The following R3HDM1 variants were observed in gnomAD, a reference collection of about 807,000 sequenced individuals.
R3HDM1 encodes R3H domain-containing protein 1.
R3HDM1 carries 46 observed loss-of-function variants against 141.1 expected under a neutral mutation model. The observed-to-expected ratio is 0.33, with a 90% CI of 0.26 to 0.42. R3HDM1 has a LOEUF of 0.42. Ranked by LOEUF, R3HDM1 falls within the 10% of genes least tolerant of loss-of-function variation. The probability of loss-of-function intolerance (pLI) is 1.00; values close to 1 mark genes in which losing one functional copy is unlikely to be tolerated. For missense variants in R3HDM1, 1,184 were observed against 1,368.3 expected, an observed-to-expected ratio of 0.87 and a Z score of 2.12; for synonymous variants, 435 against 472.9, an observed-to-expected ratio of 0.92 and a Z score of 1.04.
intron 9 of R3HDM1, among the ~76,000 whole-genome samples, chr2:135,635,283 T>TA (rs1263662323): frequency 6.6e-6 from 1 of 152,214 alleles, no homozygotes; most frequent in African/African-American, 2.4e-5. Flanking sequence ...TAGCATAAGA[T>TA]ACGGCACTGC....
intron 19 of R3HDM1, 75 bp downstream of exon 19, chr2:135,661,468 A>G: frequency 1.3e-6 from 2 of 1,529,406 alleles, no homozygotes; most frequent in South Asian, 1.1e-5. Context: ...TGCTCTTAAG[A>G]TAGTACCTAC....
chr2:135,672,081 G>A (rs1052060391), intron 19 of R3HDM1, among the ~76,000 whole-genome samples: 4 of 152,132 alleles, frequency 2.6e-5, no homozygotes, highest in East Asian at 1.9e-4. Context: ...GGACAAAATC[G>A]TAAAGGGATT....
At chr2:135,584,713 C>G (rs1707486527) in intron 1 of R3HDM1, among the ~76,000 whole-genome samples, 1 of 152,126 alleles carries the variant, frequency 6.6e-6, no homozygotes, top group African/African-American at 2.4e-5. Context: ...TTCACTAATT[C>G]ACAATTACTT....
At chr2:135,627,334 T>G (rs996825477) in intron 7 of R3HDM1, among the ~76,000 whole-genome samples, 1 of 152,274 alleles carries the variant, frequency 6.6e-6, no homozygotes, top group Admixed American at 6.5e-5. Flanking sequence ...TTTTTGGATA[T>G]CTTTAATTTC....
At chr2:135,691,394 G>A (rs1256547577) in intron 21 of R3HDM1, among the ~76,000 whole-genome samples, 2 of 152,038 alleles carry the variant, frequency 1.3e-5, no homozygotes, top group African/African-American at 4.8e-5. Flanking sequence ...TGAGTGGATC[G>A]CTTGAGCTCA....
Position 135,719,699 on chromosome 2 carries a change from T to A in R3HDM1, c.2882-2225T>A, listed in dbSNP as rs568652446. On this transcript the variant is annotated intron_variant, in intron 24 of 26. Transcript: ENST00000683871. The stretch of plus-strand genomic sequence containing the variant: ...AAAGGTTTTATCTTTTGTTGAAAAA[T>A]CTTAGGTGTCTTTATCTAGGGGATT... Among the ~76,000 whole-genome samples, 5 of 152,246 alleles carry A rather than the reference T, an allele frequency of 3.3e-5. No individual in the cohort carries two copies. The South Asian group carries it at 1.0e-3, about 32-fold the overall frequency.
intron 1 of R3HDM1, among the ~76,000 whole-genome samples, chr2:135,596,614 A>G (rs557725452): frequency 1.4e-4 from 21 of 152,196 alleles, no homozygotes; most frequent in African/African-American, 4.8e-4. Flanking sequence ...TGGTTTTTAA[A>G]TTTTTATATA....
intron 1 of R3HDM1, among the ~76,000 whole-genome samples, chr2:135,568,309 A>G (rs1365068245): frequency 6.6e-6 from 1 of 151,778 alleles, no homozygotes; most frequent in East Asian, 1.9e-4. Flanking sequence ...TGGCCTCCCA[A>G]AGTGCTGGGA....
chr2:135,652,013 T>G lies in R3HDM1; in HGVS notation c.2009T>G (p.Ile670Ser), dbSNP rs776836239. ...SQPVLQQQGY[I>S]QQPSPQMPAC... ...CCTGTGCTCCAGCAGCAGGGATATA[T>G]TCAGCAGCCATCACCACAGGTATAT... Residue 670 changes from isoleucine (I) to serine (S), a missense_variant, in exon 18 of 27, where the codon ATT becomes AGT. Transcript: ENST00000683871. The G allele has an allele frequency of 3.1e-6, 5 of 1,599,070 alleles. No individual in the cohort carries two copies. The highest frequency in any genetic ancestry group is 4.3e-6 in the Non-Finnish European group (5 of 1,171,498).
chr2:135,574,146 CAT>C (rs1487260911), intron 1 of R3HDM1, among the ~76,000 whole-genome samples: 1 of 151,962 alleles, frequency 6.6e-6, no homozygotes, highest in African/African-American at 2.4e-5. Flanking sequence ...AGGAGTAAAA[CAT>C]AGATATGCAA....
At chr2:135,615,478 A>G (rs1023330838) in intron 3 of R3HDM1, among the ~76,000 whole-genome samples, 8 of 152,316 alleles carry the variant, frequency 5.3e-5, no homozygotes, top group Middle Eastern at 6.8e-3. Flanking sequence ...CAAAGCTTGT[A>G]TCACAAACTT....
intron 7 of R3HDM1, among the ~76,000 whole-genome samples, chr2:135,627,671 G>A (rs2062189675): frequency 6.6e-6 from 1 of 151,994 alleles, no homozygotes; most frequent in Non-Finnish European, 1.5e-5. Context: ...TTAACCTGAA[G>A]GTGGATTTTT....
At chr2:135,600,390 T>C (rs1407983101) in intron 1 of R3HDM1, among the ~76,000 whole-genome samples, 8 of 152,138 alleles carry the variant, frequency 5.3e-5, no homozygotes, top group Non-Finnish European at 1.0e-4. Flanking sequence ...AAATTTAGGC[T>C]CAGCCAACTG....
At chr2:135,696,299 G>C (rs1196032233) in intron 21 of R3HDM1, among the ~76,000 whole-genome samples, 1 of 152,176 alleles carries the variant, frequency 6.6e-6, no homozygotes, top group Non-Finnish European at 1.5e-5. Context: ...ACAGCAGACA[G>C]ATCAGTGGTT....
At chr2:135,537,499 T>G (rs1220563763) in intron 1 of R3HDM1, among the ~76,000 whole-genome samples, 1 of 151,410 alleles carries the variant, frequency 6.6e-6, no homozygotes, top group Non-Finnish European at 1.5e-5. Flanking sequence ...TTGGCCAGGG[T>G]GGTCTTGAAC....
chr2:135,550,146 A>G (rs768501966), intron 1 of R3HDM1: 75 of 983,534 alleles, frequency 7.6e-5, no homozygotes, highest in South Asian at 9.4e-5. Flanking sequence ...TTGTCATTCT[A>G]TGTTACACGA....
At chr2:135,532,562 A>T (rs896128955) in intron 1 of R3HDM1, among the ~76,000 whole-genome samples, 1 of 150,390 alleles carries the variant, frequency 6.6e-6, no homozygotes, top group Non-Finnish European at 1.5e-5. Context: ...AAATTTTCTA[A>T]ATATATATAT....
At chr2:135,678,821 C>T (rs192183254) in intron 20 of R3HDM1, among the ~76,000 whole-genome samples, 3 of 134,022 alleles carry the variant, frequency 2.2e-5, no homozygotes, top group African/African-American at 8.5e-5. Flanking sequence ...AGTGCAGTGG[C>T]TCATTCTCAA....
At chr2:135,620,161 C>T in intron 5 of R3HDM1, 1 of 296,264 alleles carries the variant, frequency 3.4e-6, no homozygotes, top group Non-Finnish European at 5.0e-6. Flanking sequence ...ACTGGAAGTG[C>T]CTTTTAGTGA....
Sources: gnomAD v4.1 joint callset for allele counts (sites outside exome capture counted in the v4.1 genomes callset) on GRCh38, gnomAD v4.1.1 for gene constraint, MANE v1.5 for transcripts, NCBI Gene and HGNC (gene_info 2026-07-23, HGNC 2026-07-21) for gene names.